ZDHHC7: variants seen among roughly 807,000 people sequenced by gnomAD.
ZDHHC7 encodes the protein zDHHC palmitoyltransferase 7, also known as palmitoyltransferase ZDHHC7.
Under a neutral mutation model 34.1 loss-of-function variants are expected in ZDHHC7, and 12 were observed. The ratio of observed to expected loss-of-function variants is 0.35; its 90% CI spans 0.23 to 0.57. The LOEUF is 0.57. Ranked by LOEUF, ZDHHC7 falls within the 20% of genes least tolerant of loss-of-function variation. The pLI, the probability that ZDHHC7 is intolerant of heterozygous loss-of-function variation, is 0.84. For synonymous variants in ZDHHC7, 185 were observed against 155.4 expected (o/e 1.19, Z -1.42); for missense variants, 388 against 402.7 (o/e 0.96, Z 0.31).
chr16:84,976,634 A>G, intron 7 of ZDHHC7, 115 bp from the exon 8 acceptor site: 9 of 1,380,138 alleles, frequency 6.5e-6, no homozygotes, highest in Non-Finnish European at 8.8e-6. Flanking sequence ...AGGGTAGGTG[A>G]GTGAACTCTC....
chr16:85,001,470 C>CAAAAAAAAAAAAAAAAAAAGA (rs71151261), intron 1 of ZDHHC7, among the ~76,000 whole-genome samples: 1 of 95,392 alleles, frequency 1.0e-5, no homozygotes, highest in Non-Finnish European at 1.9e-5. Flanking sequence ...GACCCTGTCT[C>CAAAAAAAAAAAAAAAAAAAGA]AAAAAAAAAA....
chr16:85,005,864 C>T (rs946259629), intron 1 of ZDHHC7, among the ~76,000 whole-genome samples: 1 of 152,194 alleles, frequency 6.6e-6, no homozygotes, highest in Non-Finnish European at 1.5e-5. Flanking sequence ...AGGATTGATT[C>T]ACCACCTTTT....
chr16:85,000,834 G>A (rs2072643125), intron 1 of ZDHHC7, among the ~76,000 whole-genome samples: 1 of 152,210 alleles, frequency 6.6e-6, no homozygotes, highest in South Asian at 2.1e-4. Flanking sequence ...ACAGCAGCGA[G>A]GTGAGGATCC....
chr16:84,990,663 TAAGGCTCAAA>T (rs1459853821), intron 2 of ZDHHC7, 28 bp from the exon 3 acceptor site: 5 of 1,580,418 alleles, frequency 3.2e-6, no homozygotes, highest in Non-Finnish European at 3.4e-6. Context: ...ACAGAGCTGG[TAAGGCTCAAA>T]AAGCTCACAA....
At chr16:84,982,105 G>A (rs2072377931) in intron 3 of ZDHHC7, 111 bp from the exon 4 acceptor site, 8 of 1,424,084 alleles carry the variant, frequency 5.6e-6, no homozygotes, top group Non-Finnish European at 5.8e-6. Context: ...GCTGAGGCGG[G>A]TGGATCACGG....
chr16:84,989,169 G>A (rs1042141369), intron 3 of ZDHHC7, among the ~76,000 whole-genome samples: 2 of 152,212 alleles, frequency 1.3e-5, no homozygotes, highest in Non-Finnish European at 2.9e-5. Context: ...CAAAGCCACT[G>A]GCAGACTTTG....
At chr16:84,988,739 C>G (rs1294768509) in intron 3 of ZDHHC7, 1 of 1,547,972 alleles carries the variant, frequency 6.5e-7, no homozygotes, top group Non-Finnish European at 8.7e-7. Flanking sequence ...CTGACCCTCC[C>G]CCATGTGCCT....
chr16:84,977,204 G>A lies in ZDHHC7; in HGVS notation c.641C>T (p.Pro214Leu), dbSNP rs758423291. The change falls in exon 7 of 8, where the codon CCG (proline) becomes CTG (leucine). Residue 214 changes from proline (P) to leucine (L), a missense_variant. By Grantham distance (98) the Pro-to-Leu change is moderately conservative (BLOSUM62 -3). Transcript: ENST00000313732. ...QWTECSDFSP[P>L]ITVILLIFLC... The stretch of plus-strand genomic sequence containing the variant: ...GAAGATCAACAGGATTACAGTTATC[G>A]GAGGTGAAAAATCACTGCATTCTGC... The A allele has an allele frequency of 1.7e-5, 27 of 1,614,058 alleles. No individual in the cohort carries two copies. The highest frequency in any genetic ancestry group is 4.5e-5 in the East Asian group (2 of 44,886).
chr16:85,019,281 C>T, the ZDHHC7 span, among the ~76,000 whole-genome samples: 1 of 151,988 alleles, frequency 6.6e-6, no homozygotes, highest in Non-Finnish European at 1.5e-5. Context: ...TATTCCTCAT[C>T]GGAATGCAAG....
chr16:85,005,758 C>A (rs1220637661), intron 1 of ZDHHC7, among the ~76,000 whole-genome samples: 1 of 152,242 alleles, frequency 6.6e-6, no homozygotes, highest in Non-Finnish European at 1.5e-5. Flanking sequence ...TCACGCAGTG[C>A]TGCAAATGAA....
At chr16:85,007,287 A>G (rs2072730255) in intron 1 of ZDHHC7, among the ~76,000 whole-genome samples, 1 of 151,530 alleles carries the variant, frequency 6.6e-6, no homozygotes, top group Admixed American at 6.6e-5. Flanking sequence ...GCCGGGCATG[A>G]TGGTGGGTGC....
chr16:84,993,627 G>C (rs934321688), intron 2 of ZDHHC7, among the ~76,000 whole-genome samples: 1 of 152,064 alleles, frequency 6.6e-6, no homozygotes, highest in Non-Finnish European at 1.5e-5. Context: ...GGGCAACAGA[G>C]TAAGTAAGAC....
intron 3 of ZDHHC7, among the ~76,000 whole-genome samples, chr16:84,987,866 T>C (rs1692746427): frequency 6.6e-6 from 1 of 152,114 alleles, no homozygotes; most frequent in Non-Finnish European, 1.5e-5. Flanking sequence ...GAGATGACTA[T>C]GAAAGTCCCT....
chr16:84,992,007 C>G (rs1172278067), intron 2 of ZDHHC7, among the ~76,000 whole-genome samples: 1 of 151,742 alleles, frequency 6.6e-6, no homozygotes, highest in Non-Finnish European at 1.5e-5. Flanking sequence ...GAAACCCCGT[C>G]TCTACTAAAA....
upstream of ZDHHC7, among the ~76,000 whole-genome samples, chr16:85,012,985 G>A (rs1027259029): frequency 1.3e-5 from 2 of 152,112 alleles, no homozygotes; most frequent in Non-Finnish European, 2.9e-5. Flanking sequence ...TTCAGCTGAA[G>A]GCAATTAAGA....
At chr16:84,976,643 T>C (rs1162113724) in intron 7 of ZDHHC7, 124 bp from the exon 8 acceptor site, 7 of 1,317,630 alleles carry the variant, frequency 5.3e-6, no homozygotes, top group Non-Finnish European at 7.3e-6. Context: ...GAGTGAACTC[T>C]CCTTCCCAGC....
chr16:85,017,214 C>T, the ZDHHC7 span, among the ~76,000 whole-genome samples: 2 of 152,148 alleles, frequency 1.3e-5, no homozygotes, highest in African/African-American at 4.8e-5. Flanking sequence ...GAATAATTGG[C>T]AAAACACTGA....
At chr16:84,982,228 C>T in intron 3 of ZDHHC7, 2 of 382,778 alleles carry the variant, frequency 5.2e-6, no homozygotes, top group Non-Finnish European at 9.9e-6. Flanking sequence ...GCCTGTAATC[C>T]CAGCTACTTA....
chr16:84,976,861 C>T (rs770967473), intron 7 of ZDHHC7, among the ~76,000 whole-genome samples: 33 of 152,224 alleles, frequency 2.2e-4, no homozygotes, highest in South Asian at 4.1e-4. Flanking sequence ...ACTGACTGCA[C>T]TGGGAGCTGG....
Sources: allele counts gnomAD v4.1 joint callset (sites outside exome capture counted in the v4.1 genomes callset), GRCh38; gene constraint gnomAD v4.1.1; transcripts MANE v1.5; gene names NCBI Gene and HGNC (gene_info 2026-07-23, HGNC 2026-07-21).